Variants in GSAP observed in about 807,000 individuals in gnomAD.
GSAP encodes gamma-secretase activating protein.
A neutral mutation model predicts 131.7 loss-of-function variants in GSAP; 118 were observed. The ratio of observed to expected loss-of-function variants is 0.90; its 90% confidence interval spans 0.77 to 1.04. The LOEUF (loss-of-function observed/expected upper bound fraction) is 1.04, where lower values mean the gene tolerates loss of function less well. GSAP is among the 50% of genes least tolerant of loss of function. The pLI is 0.00. For synonymous variants in GSAP, 381 were observed against 363.4 expected (o/e 1.05, Z -0.55); for missense variants, 1,019 against 1,013.2 (o/e 1.01, Z -0.08).
At chr7:77,376,936 A>G in intron 9 of GSAP, 29 bp from the exon 10 acceptor site, 2 of 1,200,388 alleles carry the variant, frequency 1.7e-6, no homozygotes, top group Non-Finnish European at 2.4e-6. Flanking sequence ...TGGCATATTA[A>G]AAAACCAGGA....
intron 26 of GSAP, chr7:77,316,400 C>G (rs751673126): frequency 1.1e-4 from 16 of 152,060 alleles, no homozygotes; most frequent in Admixed American, 2.6e-4. Flanking sequence ...AGCCATGGGG[C>G]ACAGTCCTAA....
At position 77,355,352 on chromosome 7, in the gene GSAP, GAAC is replaced by G. The variant is rs763159702; in HGVS notation, c.1196_1198del (p.Cys399del). Reference sequence around the variant, plus strand: ...GAGCAGTGCTCTATAGAGCTTTCCAGAACAACAATCCAATACCAGGGACCCTGA... The same window carrying G: ...GAGCAGTGCTCTATAGAGCTTTCCAGAACAATCCAATACCAGGGACCCTGA... On this transcript the variant is annotated inframe_deletion, in exon 16 of 31. Coordinates refer to ENST00000257626, the MANE Select transcript of GSAP (RefSeq NM_017439.4). 2.0e-5 allele frequency: 32 copies of G among 1,610,722 alleles called. No homozygotes were observed. In the African/African-American group the frequency reaches 4.2e-4, roughly 21 times the overall value.
chr7:77,377,999 C>A (rs1338325532), intron 8 of GSAP, among the ~76,000 whole-genome samples: 1 of 152,254 alleles, frequency 6.6e-6, no homozygotes, highest in African/African-American at 2.4e-5. Context: ...CCTTCCCTCA[C>A]ATCCCCAAGA....
intron 3 of GSAP, among the ~76,000 whole-genome samples, chr7:77,399,600 G>T (rs780183449): frequency 6.6e-6 from 1 of 151,714 alleles, no homozygotes; most frequent in African/African-American, 2.4e-5. Context: ...TATTGGGACC[G>T]TGCTTATGCT....
intron 12 of GSAP, among the ~76,000 whole-genome samples, chr7:77,367,891 T>C (rs1795551435): frequency 6.6e-6 from 1 of 152,232 alleles, no homozygotes; most frequent in Non-Finnish European, 1.5e-5. Context: ...TTATTATTGG[T>C]CTGTTCAGGG....
chr7:77,403,797 CT>C (rs1307839843), intron 3 of GSAP, among the ~76,000 whole-genome samples: 1 of 152,198 alleles, frequency 6.6e-6, no homozygotes, highest in Non-Finnish European at 1.5e-5. Context: ...CCTCACCTCA[CT>C]TTGTGGTCCA....
intron 19 of GSAP, among the ~76,000 whole-genome samples, chr7:77,348,135 C>T (rs1483232531): frequency 6.6e-6 from 1 of 151,964 alleles, no homozygotes; most frequent in Non-Finnish European, 1.5e-5. Flanking sequence ...TGCCACTGCA[C>T]TCCAGCCTGG....
intron 14 of GSAP, among the ~76,000 whole-genome samples, chr7:77,356,028 GCA>G (rs1793669765): frequency 2.7e-5 from 2 of 73,096 alleles, no homozygotes; most frequent in Non-Finnish European, 5.1e-5. Flanking sequence ...CTGGGCTCAA[GCA>G]ATCCTCCTGC....
intron 1 of GSAP, among the ~76,000 whole-genome samples, chr7:77,415,006 T>C (rs1318263977): frequency 6.6e-6 from 1 of 151,896 alleles, no homozygotes; most frequent in Non-Finnish European, 1.5e-5. Flanking sequence ...TACAGGAGCG[T>C]GTCACCACGC....
At chr7:77,320,216 A>G (rs6965851) in intron 26 of GSAP, among the ~76,000 whole-genome samples, 142,243 of 152,238 alleles carry the variant, frequency 0.93, 66,576 homozygotes, top group East Asian at 1. Context: ...CTCAACAAAT[A>G]TTTGTTGACT....
At chr7:77,414,691 TTCACAC>T (rs1403526111) in intron 1 of GSAP, among the ~76,000 whole-genome samples, 1 of 152,132 alleles carries the variant, frequency 6.6e-6, no homozygotes, top group Admixed American at 6.5e-5. Flanking sequence ...ACTGTGGCAT[TTCACAC>T]TCATCTAACT....
chr7:77,314,267 T>G lies in GSAP; in HGVS notation c.2209+103A>C, dbSNP rs570169061. The G allele has an allele frequency of 2.5e-5, 30 of 1,214,458 alleles. No homozygotes were observed. In the South Asian group the frequency reaches 3.7e-4, roughly 15 times the overall value. 75.2% of individuals were successfully genotyped at this position (1,214,458 alleles called of 1,614,324 possible). Reference sequence around the variant, plus strand: ...AAACTGAGCAGGGCACTCTTCTGAGTGCAGCCAGGCTCTTGGTGACTGCAC... The same window carrying G: ...AAACTGAGCAGGGCACTCTTCTGAGGGCAGCCAGGCTCTTGGTGACTGCAC... On this transcript the variant is annotated intron_variant, in intron 27 of 30. Transcript: ENST00000257626.
chr7:77,369,702 G>A (rs886076040), intron 12 of GSAP, among the ~76,000 whole-genome samples: 1 of 152,150 alleles, frequency 6.6e-6, no homozygotes, highest in Non-Finnish European at 1.5e-5. Flanking sequence ...CTGCTATAGA[G>A]GGAGTCACAT....
intron 7 of GSAP, 96 bp from the exon 8 acceptor site, chr7:77,381,450 A>C (rs1477985931): frequency 1.8e-6 from 1 of 568,296 alleles, no homozygotes; most frequent in Non-Finnish European, 3.0e-6. Context: ...TATAAAAGCA[A>C]TGCAGATTGA....
chr7:77,374,934 C>CA (rs998472277), intron 11 of GSAP, 124 bp downstream of exon 11: 3 of 516,336 alleles, frequency 5.8e-6, no homozygotes, highest in Admixed American at 7.8e-5. Context: ...AATGGGAATA[C>CA]AAAAAAAGAT....
chr7:77,361,639 T>C (rs1794533384), intron 13 of GSAP, among the ~76,000 whole-genome samples: 1 of 152,178 alleles, frequency 6.6e-6, no homozygotes, highest in South Asian at 2.1e-4. Flanking sequence ...TTTTAAATAT[T>C]GGAAAAATCT....
intron 12 of GSAP, among the ~76,000 whole-genome samples, chr7:77,369,750 T>C (rs372757765): frequency 7.7e-4 from 117 of 152,212 alleles, no homozygotes; most frequent in African/African-American, 2.7e-3. Context: ...CTATCCTATT[T>C]TGCTGGAATA....
intron 12 of GSAP, among the ~76,000 whole-genome samples, chr7:77,366,390 T>C (rs1795316302): frequency 6.6e-6 from 1 of 152,218 alleles, no homozygotes. Context: ...AAGTCTTTAA[T>C]GCATCTTGAG....
At chr7:77,324,171 G>A (rs1170961857) in intron 23 of GSAP, among the ~76,000 whole-genome samples, 2 of 152,180 alleles carry the variant, frequency 1.3e-5, no homozygotes, top group Non-Finnish European at 2.9e-5. Flanking sequence ...TGTTTTGGAA[G>A]GACAGAAGCA....
Sources: allele counts gnomAD v4.1 joint callset (sites outside exome capture counted in the v4.1 genomes callset), GRCh38; gene constraint gnomAD v4.1.1; transcripts MANE v1.5; gene names NCBI Gene and HGNC (gene_info 2026-07-23, HGNC 2026-07-21).